Variants in TMPRSS11E observed in about 807,000 individuals in gnomAD.
TMPRSS11E encodes the protein transmembrane serine protease 11E.
TMPRSS11E carries 38 observed loss-of-function variants against 48.1 expected under a neutral mutation model. The ratio of observed to expected loss-of-function variants is 0.79; its 90% CI spans 0.61 to 1.04. TMPRSS11E has a LOEUF of 1.04. TMPRSS11E is among the 50% of genes least tolerant of loss of function. TMPRSS11E has a pLI of 0.00. For missense variants in TMPRSS11E, 530 were observed against 510.8 expected (o/e 1.04, Z -0.36); for synonymous variants, 158 against 171.9 (o/e 0.92, Z 0.63).
At chr4:68,459,151 A>G (rs1030389886) in intron 1 of TMPRSS11E, among the ~76,000 whole-genome samples, 3 of 152,116 alleles carry the variant, frequency 2.0e-5, no homozygotes, top group Middle Eastern at 3.2e-3. Flanking sequence ...CCTTTGTCCC[A>G]TATTATCCCT....
chr4:68,456,563 A>G (rs1341834064), intron 1 of TMPRSS11E, among the ~76,000 whole-genome samples: 1 of 152,014 alleles, frequency 6.6e-6, no homozygotes, highest in East Asian at 1.9e-4. Flanking sequence ...AGAAAGTGTG[A>G]GAAGGATTAA....
chr4:68,479,795 A>AT (rs1459885689), intron 9 of TMPRSS11E, among the ~76,000 whole-genome samples: 1 of 151,952 alleles, frequency 6.6e-6, no homozygotes, highest in Non-Finnish European at 1.5e-5. Flanking sequence ...CTCTTTCCTG[A>AT]TTCCTTTTTT....
At chr4:68,482,580 T>C (rs1560557567) in intron 9 of TMPRSS11E, among the ~76,000 whole-genome samples, 1 of 107,374 alleles carries the variant, frequency 9.3e-6, no homozygotes, top group Non-Finnish European at 1.8e-5. Context: ...GTGGCAAAAC[T>C]GCATCTCCAC....
At chr4:68,487,504 G>A (rs1560559698) in intron 9 of TMPRSS11E, among the ~76,000 whole-genome samples, 1 of 151,926 alleles carries the variant, frequency 6.6e-6, no homozygotes, top group Non-Finnish European at 1.5e-5. Context: ...TGCCCACCTC[G>A]GCCTTCCAAA....
intron 3 of TMPRSS11E, among the ~76,000 whole-genome samples, chr4:68,467,449 A>G (rs559735332): frequency 2.6e-5 from 4 of 152,172 alleles, no homozygotes; most frequent in Admixed American, 1.3e-4. Flanking sequence ...TTTTCCTGGA[A>G]ACCTGTGAGG....
intron 9 of TMPRSS11E, among the ~76,000 whole-genome samples, chr4:68,490,604 T>G (rs1252744941): frequency 6.6e-6 from 1 of 152,102 alleles, no homozygotes; most frequent in African/African-American, 2.4e-5. Context: ...TGGCCTCCAC[T>G]GACATCATGG....
chr4:68,495,524 T>G (rs182336027), intron 9 of TMPRSS11E, among the ~76,000 whole-genome samples: 12 of 152,254 alleles, frequency 7.9e-5, no homozygotes, highest in African/African-American at 2.4e-4. Context: ...ATAATACTCT[T>G]TTTATATCTC....
rs574766628 is a variant in TMPRSS11E at position 68,458,342 on chromosome 4, T to C, written c.12-3479T>C. Among the ~76,000 whole-genome samples the C allele has an allele frequency of 4.3e-5, 6 of 139,708 alleles. No individual in the cohort carries two copies. The South Asian group carries it at 8.8e-4, about 21-fold the overall frequency. 91.7% of individuals were successfully genotyped at this position (139,708 alleles called of 152,430 possible). A position where few individuals can be genotyped will look rare whatever the true frequency, so the allele number is the denominator to read the frequency against. On this transcript the variant is annotated intron_variant, in intron 1 of 9. Transcript: ENST00000305363. The stretch of plus-strand genomic sequence containing the variant: ...GCATATTGCTTGTTTTCTGGCAATT[T>C]GGGGCTAAAAAAACAAAGCATACTT...
intron 8 of TMPRSS11E, 128 bp downstream of exon 8, chr4:68,477,756 A>G (rs1729272739): frequency 8.6e-7 from 1 of 1,159,336 alleles, no homozygotes; most frequent in Admixed American, 2.3e-5. Flanking sequence ...TCAGGCCCTA[A>G]AAGTGAAGTA....
intron 1 of TMPRSS11E, among the ~76,000 whole-genome samples, chr4:68,454,456 G>A (rs963782918): frequency 6.6e-6 from 1 of 151,792 alleles, no homozygotes; most frequent in African/African-American, 2.4e-5. Context: ...AATTGTCAAG[G>A]TGAGTATATA....
At position 68,487,254 on chromosome 4, in the gene TMPRSS11E, A is replaced by AT. The variant is rs201990198; in HGVS notation, c.1110+8278dup. ...AATTGTCTTTTCTGTGGTGTCAGGA[A>AT]TTTTTTTTTTTTTTTGAGACCGCGT... On this transcript the variant is annotated intron_variant, in intron 9 of 9. Transcript: ENST00000305363. 2.7e-3 allele frequency among the ~76,000 whole-genome samples: 392 copies of AT among 145,196 alleles called. 1 individual carries two copies. The highest frequency in any genetic ancestry group is 7.1e-3 in the East Asian group (35 of 4,916).
In TMPRSS11E at chr4:68,483,449, GT is replaced by G. The variant is rs575782602; in HGVS notation, c.1110+4466del. Among the ~76,000 whole-genome samples, 9 of 152,040 alleles carry G rather than the reference GT, an allele frequency of 5.9e-5. No individual in the cohort carries two copies. The East Asian group carries it at 1.2e-3, about 20-fold the overall frequency. On this transcript the variant is annotated intron_variant, in intron 9 of 9. Coordinates refer to ENST00000305363, the MANE Select transcript of TMPRSS11E (RefSeq NM_014058.4). ...GGACAAATATTCAAACTGTATCTATGTTTTTTTTCCCCATTTTAAAAGGGAG... is the reference window on the plus strand; with the variant it reads ...GGACAAATATTCAAACTGTATCTATGTTTTTTTCCCCATTTTAAAAGGGAG...
At position 68,474,638 on chromosome 4, in the gene TMPRSS11E, A is replaced by C. The variant is rs1042483325; in HGVS notation, c.491-85A>C. On this transcript the variant is annotated intron_variant, in intron 5 of 9. Transcript: ENST00000305363. The stretch of plus-strand genomic sequence containing the variant: ...AGAGATACTGTTTTATAATAAAATT[A>C]AGCAGCCTTTTAGTATTTGAAATAC... 6.4e-6 allele frequency: 8 copies of C among 1,245,172 alleles called. No homozygotes were observed. In the African/African-American group the frequency reaches 1.2e-4, roughly 19 times the overall value. The allele number at this position is 1,245,172 out of a possible 1,614,324, so 77.1% of individuals were successfully genotyped here.
chr4:68,460,324 A>T (rs1728754423), intron 1 of TMPRSS11E, among the ~76,000 whole-genome samples: 1 of 152,092 alleles, frequency 6.6e-6, no homozygotes, highest in Non-Finnish European at 1.5e-5. Flanking sequence ...CAGGAAACAG[A>T]GCGTTCTTGT....
At position 68,453,963 on chromosome 4, in the gene TMPRSS11E, G is replaced by A. The variant is rs553297711; in HGVS notation, c.11+6440G>A. Reference sequence around the variant, plus strand: ...TATTCTAACTATGAAATGCACATTAGGATTCCAGCCAACAAAATAGAGACT... The same window carrying A: ...TATTCTAACTATGAAATGCACATTAAGATTCCAGCCAACAAAATAGAGACT... On this transcript the variant is annotated intron_variant, in intron 1 of 9. Coordinates refer to ENST00000305363, the MANE Select transcript of TMPRSS11E (RefSeq NM_014058.4). Among the ~76,000 whole-genome samples the A allele has an allele frequency of 6.7e-4, 102 of 151,934 alleles. 1 individual carries two copies. The highest frequency in any genetic ancestry group is 4.1e-3 in the South Asian group (20 of 4,824).
In TMPRSS11E at chr4:68,476,246, C is replaced by A. The variant is rs1347867565; in HGVS notation, c.530-15C>A. 1.2e-6 allele frequency: 2 copies of A among 1,613,444 alleles called. No individual in the cohort carries two copies. Among genetic ancestry groups the A allele is most frequent in the Admixed American group, 1.7e-5 (1 of 60,000 alleles). On this transcript the variant is annotated splice_polypyrimidine_tract_variant and intron_variant, in intron 6 of 9. Transcript: ENST00000305363. ...TAATGCACCCACCAATGCACCCCCC[C>A]TCTCTCTTTTGCAGGCTGCGGAACA...
intron 1 of TMPRSS11E, among the ~76,000 whole-genome samples, chr4:68,459,825 C>T (rs1728739224): frequency 1.3e-5 from 2 of 152,148 alleles, no homozygotes; most frequent in Admixed American, 6.6e-5. Flanking sequence ...TCCCTGTATT[C>T]CCCCCAAAGT....
At chr4:68,456,406 G>A (rs1728629962) in intron 1 of TMPRSS11E, among the ~76,000 whole-genome samples, 1 of 151,938 alleles carries the variant, frequency 6.6e-6, no homozygotes, top group South Asian at 2.1e-4. Flanking sequence ...GGATAGGACA[G>A]AAATATGTTA....
rs562545795 is a variant in TMPRSS11E at position 68,447,857 on chromosome 4, C to T, written c.11+334C>T. ...AGATATAACATATTTTTAGCTTGGG[C>T]TTTGTTTGTCTTATTGAGAAACACT... On this transcript the variant is annotated intron_variant, in intron 1 of 9. Coordinates refer to ENST00000305363, the MANE Select transcript of TMPRSS11E (RefSeq NM_014058.4). 2.0e-5 allele frequency among the ~76,000 whole-genome samples: 3 copies of T among 151,578 alleles called. No homozygotes were observed. In the East Asian group the frequency reaches 5.8e-4, roughly 29 times the overall value.
Sources: allele counts gnomAD v4.1 joint callset (sites outside exome capture counted in the v4.1 genomes callset), GRCh38; gene constraint gnomAD v4.1.1; transcripts MANE v1.5; gene names NCBI Gene and HGNC (gene_info 2026-07-23, HGNC 2026-07-21).